The following CNOT10 variants were observed in gnomAD, a reference collection of about 807,000 sequenced individuals.
CNOT10 encodes CCR4-NOT transcription complex, subunit 10.
CNOT10 carries 30 observed loss-of-function variants against 94.6 expected under a neutral mutation model. The observed-to-expected ratio is 0.32, with a 90% CI of 0.24 to 0.43. The LOEUF is 0.43. Ranked by LOEUF, CNOT10 falls within the 20% of genes least tolerant of loss-of-function variation. The probability of loss-of-function intolerance (pLI) is 1.00; values close to 1 mark genes in which losing one functional copy is unlikely to be tolerated. For missense variants in CNOT10, 759 were observed against 877.2 expected (o/e 0.87, Z 1.70); for synonymous variants, 289 against 301.6 (o/e 0.96, Z 0.43).
intron 8 of CNOT10, among the ~76,000 whole-genome samples, chr3:32,721,055 CCTTT>C (rs1241234517): frequency 6.2e-4 from 70 of 112,234 alleles, no homozygotes; most frequent in South Asian, 1.7e-3. Context: ...TCCTTTCTTT[CCTTT>C]CTTTTTTTTT....
At chr3:32,699,117 C>T (rs774483938) in intron 1 of CNOT10, among the ~76,000 whole-genome samples, 3 of 152,164 alleles carry the variant, frequency 2.0e-5, no homozygotes, top group Non-Finnish European at 2.9e-5. Flanking sequence ...CTCCTGTTGT[C>T]TAGGCAGTTA....
intron 1 of CNOT10, among the ~76,000 whole-genome samples, chr3:32,696,305 G>A (rs567803763): frequency 2.0e-5 from 3 of 150,948 alleles, no homozygotes; most frequent in African/African-American, 7.3e-5. Context: ...AACAGAGTGA[G>A]ACTCCGTCTC....
chr3:32,767,426 G>A (rs1009844747), intron 17 of CNOT10, among the ~76,000 whole-genome samples: 1 of 150,150 alleles, frequency 6.7e-6, no homozygotes, highest in Admixed American at 6.7e-5. Flanking sequence ...GGCTGAGGCA[G>A]GATAATTGCT....
At chr3:32,704,718 A>G in intron 2 of CNOT10, 93 bp from the exon 3 acceptor site, 2 of 1,370,212 alleles carry the variant, frequency 1.5e-6, no homozygotes, top group Non-Finnish European at 2.0e-6. Flanking sequence ...AGAACTTTTA[A>G]GATAAAGATG....
chr3:32,756,501 A>C (rs1395204085), intron 13 of CNOT10, among the ~76,000 whole-genome samples: 1 of 152,180 alleles, frequency 6.6e-6, no homozygotes, highest in Non-Finnish European at 1.5e-5. Flanking sequence ...AGGCCAGGGC[A>C]GGCATTTCCC....
intron 3 of CNOT10, among the ~76,000 whole-genome samples, chr3:32,707,757 C>A (rs926163645): frequency 6.6e-6 from 1 of 151,654 alleles, no homozygotes; most frequent in Non-Finnish European, 1.5e-5. Context: ...GAGCTGAGTT[C>A]GTGCCACTGC....
intron 9 of CNOT10, among the ~76,000 whole-genome samples, chr3:32,726,085 CA>C (rs1347665312): frequency 6.6e-6 from 1 of 152,124 alleles, no homozygotes; most frequent in Admixed American, 6.6e-5. Context: ...GCTGGAACTA[CA>C]GACACATGCC....
At chr3:32,728,457 A>G (rs763107764) in intron 10 of CNOT10, among the ~76,000 whole-genome samples, 30 of 151,540 alleles carry the variant, frequency 2.0e-4, no homozygotes, top group South Asian at 4.2e-4. Context: ...CTCCATCTCT[A>G]CAAAAAATTA....
intron 1 of CNOT10, among the ~76,000 whole-genome samples, chr3:32,703,212 C>G (rs1697452488): frequency 6.6e-6 from 1 of 151,934 alleles, no homozygotes; most frequent in Admixed American, 6.6e-5. Context: ...GCGTGAGCCA[C>G]CGTGCCTGGC....
At chr3:32,729,360 C>T (rs543693548) in intron 10 of CNOT10, among the ~76,000 whole-genome samples, 30 of 152,224 alleles carry the variant, frequency 2.0e-4, no homozygotes, top group African/African-American at 7.0e-4. Context: ...AGGGGAAAGA[C>T]GGGTTGTGTC....
At chr3:32,709,441 T>C (rs1351419242) in intron 4 of CNOT10, among the ~76,000 whole-genome samples, 1 of 152,244 alleles carries the variant, frequency 6.6e-6, no homozygotes, top group African/African-American at 2.4e-5. Flanking sequence ...ATAATTGCTT[T>C]CTTTTACATT....
chr3:32,750,566 T>A (rs557094869), intron 13 of CNOT10, among the ~76,000 whole-genome samples: 2 of 152,270 alleles, frequency 1.3e-5, no homozygotes, highest in African/African-American at 4.8e-5. Context: ...TTTTTCTTTT[T>A]TTTTGAGACA....
chr3:32,737,095 C>T (rs1032907985), intron 12 of CNOT10, among the ~76,000 whole-genome samples: 1 of 152,058 alleles, frequency 6.6e-6, no homozygotes, highest in Non-Finnish European at 1.5e-5. Context: ...AGGTGGATCA[C>T]CTGAGGTCGG....
At chr3:32,696,013 G>GTA (rs1344293648) in intron 1 of CNOT10, among the ~76,000 whole-genome samples, 2 of 138,024 alleles carry the variant, frequency 1.4e-5, no homozygotes, top group Non-Finnish European at 3.2e-5. Flanking sequence ...GTGTGTGTGT[G>GTA]TGTATTTGAA....
chr3:32,764,806 C>T lies in CNOT10; in HGVS notation c.2001C>T (p.His667=), dbSNP rs763121064. 1.1e-4 allele frequency: 176 copies of T among 1,613,976 alleles called. No homozygotes were observed. Among genetic ancestry groups the T allele is most frequent in the Non-Finnish European group, 1.5e-4 (174 of 1,180,002 alleles). The change falls in exon 17 of 19, where the codon CAC becomes CAT. Residue 667 remains histidine, a synonymous_variant. Transcript: ENST00000328834. ...SEYDKARKCL[H]QAASMIHPKE... is the part of the protein sequence containing the mutation. ...ATGACAAAGCCCGAAAGTGTCTCCA[C>T]CAGGTGAGTCCAGAGTGGGAGGAAC...
intron 18 of CNOT10, among the ~76,000 whole-genome samples, chr3:32,773,157 C>T (rs554374642): frequency 1.3e-5 from 2 of 152,196 alleles, no homozygotes; most frequent in Admixed American, 1.3e-4. Context: ...ATGAACCAAC[C>T]CTCCCAGATG....
At chr3:32,737,314 A>C in intron 12 of CNOT10, 96 bp from the exon 13 acceptor site, 1 of 672,514 alleles carries the variant, frequency 1.5e-6, no homozygotes, top group Non-Finnish European at 2.5e-6. Context: ...ACTCTGTCTC[A>C]AAAAAAAAGT....
In CNOT10 at chr3:32,718,425, A is replaced by G. The variant is rs550945846; in HGVS notation, c.744+1188A>G. ...CAGTGAAACCCCATCTCTACTAAAA[A>G]TACAAAAAATGAGCCGGGCGTGGTG... On this transcript the variant is annotated intron_variant, in intron 7 of 18. Coordinates refer to ENST00000328834, the MANE Select transcript of CNOT10 (RefSeq NM_015442.3). Among the ~76,000 whole-genome samples the G allele has an allele frequency of 1.6e-3, 245 of 150,986 alleles. 1 individual carries two copies. Among genetic ancestry groups the G allele is most frequent in the African/African-American group, 5.8e-3 (238 of 41,138 alleles).
At chr3:32,747,742 G>T (rs1466263422) in intron 13 of CNOT10, among the ~76,000 whole-genome samples, 1 of 152,088 alleles carries the variant, frequency 6.6e-6, no homozygotes, top group Non-Finnish European at 1.5e-5. Flanking sequence ...GAGGTCAAGA[G>T]ATGGAGACCA....
Sources: allele counts gnomAD v4.1 joint callset (sites outside exome capture counted in the v4.1 genomes callset), GRCh38; gene constraint gnomAD v4.1.1; transcripts MANE v1.5; gene names NCBI Gene and HGNC (gene_info 2026-07-23, HGNC 2026-07-21).